The following XPO6 variants were observed in gnomAD, a reference collection of about 807,000 sequenced individuals.
The protein encoded by XPO6 is exportin 6.
XPO6 carries 3 observed loss-of-function variants against 130.0 expected under a neutral mutation model. The observed-to-expected ratio is 0.02, with a 90% confidence interval of 0.01 to 0.06. The LOEUF (loss-of-function observed/expected upper bound fraction) is 0.06. Ranked by LOEUF, XPO6 falls within the 10% of genes least tolerant of loss-of-function variation. The pLI is 1.00. For synonymous variants in XPO6, 524 were observed against 548.9 expected (o/e 0.95, Z 0.63); for missense variants, 970 against 1,393.0 (o/e 0.70, Z 4.83).
Position 28,117,343 on chromosome 16 carries a change from G to C in XPO6, c.1979C>G (p.Ala660Gly). 6.2e-7 allele frequency: 1 copy of C among 1,614,134 alleles called. No individual in the cohort carries two copies. Among genetic ancestry groups the C allele is most frequent in the Non-Finnish European group, 8.5e-7 (1 of 1,180,046 alleles). The change falls in exon 15 of 24, where the codon GCA (alanine) becomes GGA (glycine). Residue 660 changes from alanine (A) to glycine (G), a missense_variant. Physicochemically the swap from Ala to Gly is moderately conservative, Grantham distance 60. Coordinates refer to ENST00000304658, the MANE Select transcript of XPO6 (RefSeq NM_015171.4). ...CTTGGTGCTGATTAGAGGTGTGATT[G>C]CATCCATGGTAGTAGAGATGAGTGT... ...FVTLISTTMD[A>G]ITPLISTKVQ...
chr16:28,152,065 A>G (rs1369796576), intron 8 of XPO6, among the ~76,000 whole-genome samples: 1 of 134,932 alleles, frequency 7.4e-6, no homozygotes, highest in Non-Finnish European at 1.6e-5. Context: ...ATAATTTTAT[A>G]TATTTTTTAT....
At chr16:28,142,514 TG>T (rs1472854408) in intron 9 of XPO6, among the ~76,000 whole-genome samples, 1 of 152,188 alleles carries the variant, frequency 6.6e-6, no homozygotes, top group Non-Finnish European at 1.5e-5. Context: ...CCCCAGACGG[TG>T]GTTACTATTT....
At chr16:28,118,051 A>T (rs1000580436) in intron 14 of XPO6, among the ~76,000 whole-genome samples, 1 of 152,266 alleles carries the variant, frequency 6.6e-6, no homozygotes, top group Non-Finnish European at 1.5e-5. Flanking sequence ...ATAAACAATC[A>T]ATCTTAAACA....
intron 9 of XPO6, among the ~76,000 whole-genome samples, chr16:28,144,004 A>C (rs2042940664): frequency 6.6e-6 from 1 of 152,240 alleles, no homozygotes; most frequent in Non-Finnish European, 1.5e-5. Context: ...CAAGCTTGAG[A>C]GATATGAAGG....
At chr16:28,140,100 CG>C in intron 9 of XPO6, among the ~76,000 whole-genome samples, 2 of 151,830 alleles carry the variant, frequency 1.3e-5, no homozygotes, top group South Asian at 4.2e-4. Context: ...GGCGTGGTGG[CG>C]GGCACCTGTA....
intron 14 of XPO6, among the ~76,000 whole-genome samples, chr16:28,118,248 G>T (rs1219114192): frequency 6.6e-6 from 1 of 152,204 alleles, no homozygotes; most frequent in East Asian, 1.9e-4. Flanking sequence ...ATTGGTGGTT[G>T]TGAATTGGTA....
At chr16:28,153,563 G>C in intron 7 of XPO6, 2 of 985,368 alleles carry the variant, frequency 2.0e-6, no homozygotes, top group Non-Finnish European at 2.4e-6. Context: ...AGAAGAGTAT[G>C]GGTCACAGCT....
chr16:28,152,868 A>C, intron 7 of XPO6, 83 bp from the exon 8 acceptor site: 2 of 1,523,128 alleles, frequency 1.3e-6, no homozygotes, highest in Non-Finnish European at 1.7e-6. Context: ...TTCTTTCAGT[A>C]CAGAACTATA....
intron 1 of XPO6, among the ~76,000 whole-genome samples, chr16:28,203,542 C>T (rs185950060): frequency 3.7e-4 from 56 of 152,316 alleles, no homozygotes; most frequent in Non-Finnish European, 5.7e-4. Flanking sequence ...CACCTACCTA[C>T]AGAGATAGCC....
chr16:28,166,061 A>G (rs575884817), intron 6 of XPO6, among the ~76,000 whole-genome samples: 10 of 152,068 alleles, frequency 6.6e-5, no homozygotes, highest in Middle Eastern at 6.3e-3. Context: ...AGTCTCCACT[A>G]TGCAGGCAGA....
intron 16 of XPO6, 63 bp downstream of exon 16, chr16:28,112,841 C>T (rs1185605589): frequency 3.2e-6 from 5 of 1,557,878 alleles, no homozygotes; most frequent in African/African-American, 1.4e-5. Flanking sequence ...ACTCTTCTTC[C>T]TCAGCTTCCT....
intron 15 of XPO6, among the ~76,000 whole-genome samples, 181 bp from the exon 16 acceptor site, chr16:28,113,231 T>A (rs1398769662): frequency 6.6e-6 from 1 of 152,206 alleles, no homozygotes; most frequent in Non-Finnish European, 1.5e-5. Flanking sequence ...CTCTGTCATG[T>A]CCACAGCTCC....
chr16:28,100,556 G>A (rs16939817), intron 23 of XPO6, among the ~76,000 whole-genome samples: 8,858 of 152,326 alleles, frequency 0.058, 649 homozygotes, highest in East Asian at 0.17. Context: ...GTTTGCACCA[G>A]TGAGAGCAGT....
At chr16:28,149,364 A>C (rs989880809) in intron 8 of XPO6, among the ~76,000 whole-genome samples, 3 of 152,220 alleles carry the variant, frequency 2.0e-5, no homozygotes, top group African/African-American at 7.2e-5. Context: ...AAGAAACAGA[A>C]AAGGAGAAAC....
At chr16:28,147,900 C>T (rs549996284) in intron 8 of XPO6, among the ~76,000 whole-genome samples, 2 of 152,286 alleles carry the variant, frequency 1.3e-5, no homozygotes, top group African/African-American at 4.8e-5. Context: ...GAGCTGAGAT[C>T]GTGCCACTGC....
intron 1 of XPO6, among the ~76,000 whole-genome samples, chr16:28,183,650 TA>T (rs1249891367): frequency 1.2e-4 from 18 of 152,212 alleles, no homozygotes; most frequent in Middle Eastern, 6.4e-3. Flanking sequence ...AACTGCTACA[TA>T]AACCATAAGG....
chr16:28,172,632 C>T (rs1275160749), intron 4 of XPO6, among the ~76,000 whole-genome samples: 3 of 152,056 alleles, frequency 2.0e-5, no homozygotes, highest in Admixed American at 6.5e-5. Context: ...ACCAACCCAC[C>T]GCACGTAAGG....
rs1436340498 is a variant in XPO6 at position 28,128,651 on chromosome 16, G to A, written c.1607-2803C>T. 3.9e-5 allele frequency among the ~76,000 whole-genome samples: 6 copies of A among 152,228 alleles called. No individual in the cohort carries two copies. The South Asian group carries it at 6.2e-4, about 16-fold the overall frequency. ...ACAATTACTAGAGAGCTTAAAAGTC[G>A]CCCTGACCAAGCCGTCCCCTCTGCC... is the stretch of plus-strand genomic sequence containing the variant. On this transcript the variant is annotated intron_variant, in intron 12 of 23. Coordinates refer to ENST00000304658, the MANE Select transcript of XPO6 (RefSeq NM_015171.4).
chr16:28,168,542 G>A (rs1396668599), intron 5 of XPO6, among the ~76,000 whole-genome samples: 3 of 151,650 alleles, frequency 2.0e-5, no homozygotes, highest in African/African-American at 7.3e-5. Flanking sequence ...GAAGGTTTAG[G>A]TTTACCCCTG....
Sources: gnomAD v4.1 joint callset for allele counts (sites outside exome capture counted in the v4.1 genomes callset) on GRCh38, gnomAD v4.1.1 for gene constraint, MANE v1.5 for transcripts, NCBI Gene and HGNC (gene_info 2026-07-23, HGNC 2026-07-21) for gene names.